R3HDM2: variants seen among roughly 807,000 people sequenced by gnomAD.
R3HDM2 encodes the protein R3H domain-containing protein 2.
Under a neutral mutation model 124.5 loss-of-function variants are expected in R3HDM2, and 38 were observed. The observed-to-expected ratio is 0.31, with a 90% CI of 0.24 to 0.40. R3HDM2 has a LOEUF of 0.40. R3HDM2 is among the 10% of genes least tolerant of loss of function. The pLI is 1.00. For synonymous variants in R3HDM2, 391 were observed against 448.0 expected (o/e 0.87, Z 1.61); for missense variants, 869 against 1,236.9 (o/e 0.70, Z 4.46).
intron 2 of R3HDM2, among the ~76,000 whole-genome samples, chr12:57,330,885 G>T (rs941307344): frequency 6.6e-6 from 1 of 150,750 alleles, no homozygotes; most frequent in African/African-American, 2.4e-5. Context: ...ATTTTTAGTA[G>T]AGAAGGGGTT....
intron 2 of R3HDM2, among the ~76,000 whole-genome samples, chr12:57,363,419 C>T (rs1199829127): frequency 6.6e-6 from 1 of 152,064 alleles, no homozygotes. Context: ...TTAGAAACAA[C>T]TTCTGATTAA....
intron 1 of R3HDM2, chr12:57,415,218 T>G (rs1313343937): frequency 6.6e-6 from 1 of 152,160 alleles, no homozygotes; most frequent in African/African-American, 2.4e-5. Flanking sequence ...AGAAAAGCTC[T>G]TCTCTTTAGA....
chr12:57,267,270 A>T (rs941680369), intron 18 of R3HDM2, among the ~76,000 whole-genome samples: 1 of 152,162 alleles, frequency 6.6e-6, no homozygotes, highest in Non-Finnish European at 1.5e-5. Context: ...CCTAAAAAAA[A>T]AGTCAGTTGG....
chr12:57,258,863 C>A, intron 20 of R3HDM2, 27 bp downstream of exon 20: 2 of 1,475,518 alleles, frequency 1.4e-6, no homozygotes, highest in South Asian at 1.4e-5. Context: ...ATCTCCTTGC[C>A]AAGACAAGGC....
intron 3 of R3HDM2, among the ~76,000 whole-genome samples, chr12:57,305,184 C>CA (rs911648611): frequency 2.0e-5 from 3 of 151,332 alleles, no homozygotes; most frequent in South Asian, 2.1e-4. Context: ...GGCTCCGTTT[C>CA]AAAAAAAATA....
intron 22 of R3HDM2, 135 bp from the exon 23 acceptor site, chr12:57,256,209 G>A: frequency 3.1e-6 from 3 of 977,300 alleles, no homozygotes; most frequent in Admixed American, 4.3e-5. Context: ...GGTTGGCCAT[G>A]GAGCAGCGAC....
chr12:57,398,574 C>T (rs1050727525), intron 1 of R3HDM2, among the ~76,000 whole-genome samples: 6 of 151,840 alleles, frequency 4.0e-5, no homozygotes, highest in Non-Finnish European at 7.4e-5. Flanking sequence ...CTGCAACCTC[C>T]ACCTCCTGGG....
intron 2 of R3HDM2, among the ~76,000 whole-genome samples, chr12:57,323,447 T>C (rs1046570386): frequency 1.3e-5 from 2 of 152,204 alleles, no homozygotes; most frequent in Non-Finnish European, 2.9e-5. Context: ...GAAACTGTCA[T>C]AGGCTTCATT....
chr12:57,418,444 T>G, intron 1 of R3HDM2: 2 of 512,122 alleles, frequency 3.9e-6, no homozygotes, highest in Non-Finnish European at 5.0e-6. Flanking sequence ...TAAAAGTCTT[T>G]AGCCTATCTT....
At position 57,268,914 on chromosome 12, in the gene R3HDM2, G is replaced by T; in HGVS notation, c.1875+8C>A. 2 of 1,613,280 alleles carry T rather than the reference G, an allele frequency of 1.2e-6. No individual in the cohort carries two copies. Among genetic ancestry groups the T allele is most frequent in the Non-Finnish European group, 1.7e-6 (2 of 1,179,660 alleles). On this transcript the variant is annotated splice_region_variant and intron_variant, in intron 17 of 23. Coordinates refer to ENST00000402412, the MANE Select transcript of R3HDM2 (RefSeq NM_001394031.1). ...GGGGTGATCCTTCCCAATGCAGAATGCACCCACTTGGTAAGAAGGCAGTGG... is the reference window on the plus strand; with the variant it reads ...GGGGTGATCCTTCCCAATGCAGAATTCACCCACTTGGTAAGAAGGCAGTGG...
At chr12:57,287,139 T>C (rs1401481293) in intron 12 of R3HDM2, among the ~76,000 whole-genome samples, 1 of 152,204 alleles carries the variant, frequency 6.6e-6, no homozygotes, top group Admixed American at 6.5e-5. Context: ...CTATTAGCCA[T>C]GTAAACTTGG....
At chr12:57,332,319 G>A (rs2058305078) in intron 2 of R3HDM2, among the ~76,000 whole-genome samples, 1 of 144,982 alleles carries the variant, frequency 6.9e-6, no homozygotes, top group Admixed American at 7.3e-5. Flanking sequence ...GGAGGCTGAG[G>A]TAAGAGGATC....
intron 14 of R3HDM2, among the ~76,000 whole-genome samples, chr12:57,276,995 G>A (rs151030959): frequency 0.01 from 1,584 of 151,794 alleles, 18 homozygotes; most frequent in African/African-American, 0.036. Flanking sequence ...TATACTGCTC[G>A]GGAGATGGGT....
intron 1 of R3HDM2, among the ~76,000 whole-genome samples, chr12:57,423,327 A>C (rs1482459446): frequency 6.6e-6 from 1 of 151,572 alleles, no homozygotes; most frequent in Non-Finnish European, 1.5e-5. Flanking sequence ...GTAAGACTAA[A>C]GTGGGAGACT....
At chr12:57,368,056 G>T (rs184617536) in intron 2 of R3HDM2, among the ~76,000 whole-genome samples, 154 of 149,944 alleles carry the variant, frequency 1.0e-3, no homozygotes, top group African/African-American at 2.9e-3. Flanking sequence ...TTTTTTTTTG[G>T]TTTTTTGGTT....
At chr12:57,331,545 A>G (rs766536566) in intron 2 of R3HDM2, among the ~76,000 whole-genome samples, 5 of 152,190 alleles carry the variant, frequency 3.3e-5, no homozygotes, top group Non-Finnish European at 5.9e-5. Flanking sequence ...AGGGTCTAGA[A>G]TAGTGCCTGG....
At chr12:57,279,644 A>G (rs1170904784) in intron 14 of R3HDM2, among the ~76,000 whole-genome samples, 1 of 151,822 alleles carries the variant, frequency 6.6e-6, no homozygotes, top group Non-Finnish European at 1.5e-5. Flanking sequence ...TCTCAAAATA[A>G]TAATAATAAC....
intron 2 of R3HDM2, among the ~76,000 whole-genome samples, chr12:57,328,634 C>A (rs964261564): frequency 6.6e-6 from 1 of 152,092 alleles, no homozygotes; most frequent in Non-Finnish European, 1.5e-5. Context: ...AATTCCTGGG[C>A]CTTAAGTTAT....
chr12:57,310,535 CACACGGGT>C, intron 2 of R3HDM2, 72 bp from the exon 3 acceptor site: 1 of 776,950 alleles, frequency 1.3e-6, no homozygotes, highest in Non-Finnish European at 1.8e-6. Flanking sequence ...ACTCGTATTT[CACACGGGT>C]ACATTTTTTC....
Sources: gnomAD v4.1 joint callset for allele counts (sites outside exome capture counted in the v4.1 genomes callset) on GRCh38, gnomAD v4.1.1 for gene constraint, MANE v1.5 for transcripts, NCBI Gene and HGNC (gene_info 2026-07-23, HGNC 2026-07-21) for gene names.